Variants in PTPN14 observed in about 807,000 individuals in gnomAD.
PTPN14 encodes the protein protein tyrosine phosphatase non-receptor type 14.
A neutral mutation model predicts 126.8 loss-of-function variants in PTPN14; 53 were observed. The observed-to-expected ratio is 0.42, with a 90% CI of 0.34 to 0.53. The LOEUF (loss-of-function observed/expected upper bound fraction) is 0.53. Ranked by LOEUF, PTPN14 falls within the 20% of genes least tolerant of loss-of-function variation. The pLI is 0.08. For missense variants in PTPN14, 1,257 were observed against 1,552.9 expected (o/e 0.81, Z 3.20); for synonymous variants, 630 against 599.3 (o/e 1.05, Z -0.75).
intron 8 of PTPN14, 145 bp from the exon 9 acceptor site, chr1:214,395,131 GAAA>G: frequency 1.4e-6 from 1 of 724,212 alleles, no homozygotes; most frequent in East Asian, 2.7e-5. Flanking sequence ...TTTCAAACGA[GAAA>G]AGAAAATGCA....
chr1:214,484,240 T>C (rs1400652542), intron 1 of PTPN14, among the ~76,000 whole-genome samples: 2 of 152,016 alleles, frequency 1.3e-5, no homozygotes, highest in Non-Finnish European at 2.9e-5. Context: ...CTAGTCTCTA[T>C]AAAAAATTAA....
chr1:214,530,097 A>T (rs1655501987), intron 1 of PTPN14: 1 of 152,136 alleles, frequency 6.6e-6, no homozygotes, highest in African/African-American at 2.4e-5. Flanking sequence ...CAACAACTAC[A>T]ACATATTGTC....
At chr1:214,386,972 G>A in intron 11 of PTPN14, 50 bp from the exon 12 acceptor site, 2 of 1,489,946 alleles carry the variant, frequency 1.3e-6, no homozygotes, top group South Asian at 2.3e-5. Flanking sequence ...AGACACGGCT[G>A]GTGACTCACA....
intron 3 of PTPN14, among the ~76,000 whole-genome samples, chr1:214,424,732 A>G (rs1659622283): frequency 6.6e-6 from 1 of 152,000 alleles, no homozygotes; most frequent in Non-Finnish European, 1.5e-5. Context: ...TATTTTTAGT[A>G]CAGATGCAGT....
In PTPN14 at chr1:214,391,057, G is replaced by A; in HGVS notation, c.930-12C>T. 1 of 1,557,612 alleles carries A rather than the reference G, an allele frequency of 6.4e-7. No individual in the cohort carries two copies. Among genetic ancestry groups the A allele is most frequent in the Middle Eastern group, 1.7e-4 (1 of 5,858 alleles). ...GAGAATTTGACTGTCTACATGAAGA[G>A]GTGAAAAAATGAGAATGGTTATTAT... On this transcript the variant is annotated splice_polypyrimidine_tract_variant and intron_variant, in intron 10 of 18. Transcript: ENST00000366956.
rs149568419 is a variant in PTPN14 at position 214,466,332 on chromosome 1, C to A, written c.-154-1375G>T. Reference sequence around the variant, plus strand: ...TTCAAAGCACTTAAAAATCACAACTCTTTGTCCTTTTTTTAACAAATATTT... The same window carrying A: ...TTCAAAGCACTTAAAAATCACAACTATTTGTCCTTTTTTTAACAAATATTT... On this transcript the variant is annotated intron_variant, in intron 1 of 18. Transcript: ENST00000366956. Among the ~76,000 whole-genome samples the A allele has an allele frequency of 9.9e-4, 150 of 151,744 alleles. 1 individual carries two copies. Among genetic ancestry groups the A allele is most frequent in the Middle Eastern group, 3.4e-3 (1 of 294 alleles).
chr1:214,532,668 T>C (rs537501591), intron 1 of PTPN14: 403 of 844,508 alleles, frequency 4.8e-4, no homozygotes, highest in Admixed American at 9.2e-4. Context: ...TTGCTGCTGA[T>C]GACTTTAGAG....
chr1:214,486,341 T>C (rs751897342), intron 1 of PTPN14, among the ~76,000 whole-genome samples: 1 of 152,210 alleles, frequency 6.6e-6, no homozygotes, highest in African/African-American at 2.4e-5. Context: ...TTACCTGAGA[T>C]ACACTAGCTA....
At chr1:214,489,520 G>T (rs183668614) in intron 1 of PTPN14, among the ~76,000 whole-genome samples, 1 of 152,146 alleles carries the variant, frequency 6.6e-6, no homozygotes, top group African/African-American at 2.4e-5. Context: ...CTTTCAGAAC[G>T]CGTTTGGAGT....
At chr1:214,507,379 G>T (rs1654869389) in intron 1 of PTPN14, among the ~76,000 whole-genome samples, 1 of 152,162 alleles carries the variant, frequency 6.6e-6, no homozygotes, top group Non-Finnish European at 1.5e-5. Flanking sequence ...TAAGGCTACA[G>T]ATTTGATTAA....
In PTPN14 at chr1:214,350,073, G is replaced by A. The variant is rs1204261041; in HGVS notation, c.*7849C>T. The A allele has an allele frequency of 6.6e-6, 1 of 152,228 alleles. No individual in the cohort carries two copies. The highest frequency in any genetic ancestry group is 1.9e-4 in the East Asian group (1 of 5,194). 9.4% of individuals were successfully genotyped at this position (152,228 alleles called of 1,614,324 possible). ...TCCTCTAAAACCTTTTGTCAGATGA[G>A]ATAGCATTTGTGTTTCCCAGGAGGA... On this transcript the variant is annotated 3_prime_UTR_variant, in exon 19 of 19. Coordinates refer to ENST00000366956, the MANE Select transcript of PTPN14 (RefSeq NM_005401.5).
chr1:214,366,070 C>T lies in PTPN14; in HGVS notation c.3272-1395G>A, dbSNP rs997755017. ...ATCCCAGCTAGTAATTCCAGCTACT[C>T]AGGAGGCTGAGACAGGAGAATTGCT... On this transcript the variant is annotated intron_variant, in intron 17 of 18. Coordinates refer to ENST00000366956, the MANE Select transcript of PTPN14 (RefSeq NM_005401.5). Among the ~76,000 whole-genome samples, 14 of 152,118 alleles carry T rather than the reference C, an allele frequency of 9.2e-5. 1 individual carries two copies. Among genetic ancestry groups the T allele is most frequent in the African/African-American group, 3.4e-4 (14 of 41,404 alleles).
At chr1:214,489,228 T>C (rs1222412661) in intron 1 of PTPN14, among the ~76,000 whole-genome samples, 1 of 152,164 alleles carries the variant, frequency 6.6e-6, no homozygotes, top group Non-Finnish European at 1.5e-5. Context: ...CTGAGGTAAG[T>C]ATATTACTTA....
intron 18 of PTPN14, among the ~76,000 whole-genome samples, chr1:214,360,929 C>A (rs1438752238): frequency 1.3e-5 from 2 of 152,168 alleles, no homozygotes; most frequent in Non-Finnish European, 2.9e-5. Flanking sequence ...ACAGTGAATT[C>A]TCATGAGATC....
intron 14 of PTPN14, 41 bp from the exon 15 acceptor site, chr1:214,376,478 T>C (rs930657655): frequency 1.3e-6 from 2 of 1,520,598 alleles, no homozygotes; most frequent in South Asian, 1.2e-5. Context: ...AATTATCTGA[T>C]CCAAAAACTC....
In PTPN14 at chr1:214,536,391, G is replaced by T. The variant is rs187958559; in HGVS notation, c.-155+14792C>A. Among the ~76,000 whole-genome samples, 1,130 of 152,192 alleles carry T rather than the reference G, an allele frequency of 7.4e-3. 13 individuals carry two copies. The highest frequency in any genetic ancestry group is 0.026 in the African/African-American group (1,061 of 41,496). ...CCACTGCACTCCAGCCTGGGCAACA[G>T]AGCAAGACCTTGTCTTTAAAAAATT... On this transcript the variant is annotated intron_variant, in intron 1 of 18. Transcript: ENST00000366956.
intron 5 of PTPN14, among the ~76,000 whole-genome samples, chr1:214,403,542 C>T (rs1659087875): frequency 6.6e-6 from 1 of 152,204 alleles, no homozygotes; most frequent in Non-Finnish European, 1.5e-5. Flanking sequence ...TCTCTACCAG[C>T]TGAACCCCAG....
chr1:214,423,542 G>A (rs1361585157), intron 3 of PTPN14, among the ~76,000 whole-genome samples: 2 of 152,148 alleles, frequency 1.3e-5, no homozygotes, highest in Non-Finnish European at 2.9e-5. Context: ...TTTGGTTGAT[G>A]CTTTGTTTAC....
At chr1:214,454,577 C>T (rs1660340539) in intron 2 of PTPN14, among the ~76,000 whole-genome samples, 1 of 152,068 alleles carries the variant, frequency 6.6e-6, no homozygotes, top group Non-Finnish European at 1.5e-5. Flanking sequence ...GCTGCACATA[C>T]ACACACTCCT....
Sources: allele counts gnomAD v4.1 joint callset (sites outside exome capture counted in the v4.1 genomes callset), GRCh38; gene constraint gnomAD v4.1.1; transcripts MANE v1.5; gene names NCBI Gene and HGNC (gene_info 2026-07-23, HGNC 2026-07-21).